UNC5C: variants seen among roughly 807,000 people sequenced by gnomAD.
UNC5C encodes netrin receptor UNC5C.
In UNC5C, 47 loss-of-function variants were observed where a neutral mutation model predicts 99.8. That is an observed-to-expected ratio of 0.47 (90% CI 0.37 to 0.60). UNC5C has a LOEUF of 0.60. Among genes scored for constraint, UNC5C ranks in the 20% least tolerant of loss-of-function variants. The pLI, the probability that UNC5C is intolerant of heterozygous loss-of-function variation, is 0.00. For synonymous variants in UNC5C, 487 were observed against 452.2 expected, an observed-to-expected ratio of 1.08 and a Z score of -0.98; for missense variants, 1,062 against 1,165.9, an observed-to-expected ratio of 0.91 and a Z score of 1.30.
At chr4:95,227,533 C>T (rs537881375) in intron 7 of UNC5C, among the ~76,000 whole-genome samples, 54 of 152,100 alleles carry the variant, frequency 3.6e-4, no homozygotes, top group Middle Eastern at 6.8e-3. Context: ...AAAGGAGATT[C>T]GATATGGAGA....
chr4:95,364,052 A>G (rs1375419192), intron 1 of UNC5C, among the ~76,000 whole-genome samples: 31 of 152,198 alleles, frequency 2.0e-4, no homozygotes. Context: ...CATGTTCAAA[A>G]TGACCCATCT....
chr4:95,441,065 T>C (rs973622965), intron 1 of UNC5C, among the ~76,000 whole-genome samples: 3 of 152,184 alleles, frequency 2.0e-5, no homozygotes, highest in Non-Finnish European at 4.4e-5. Flanking sequence ...ATAGAGTCTA[T>C]ATACTATTGG....
chr4:95,384,310 G>A (rs1463193149), intron 1 of UNC5C, among the ~76,000 whole-genome samples: 1 of 152,182 alleles, frequency 6.6e-6, no homozygotes, highest in African/African-American at 2.4e-5. Context: ...GTCATGGAGA[G>A]AGAGGTTGAA....
chr4:95,237,333 A>T (rs1236059105), intron 7 of UNC5C, among the ~76,000 whole-genome samples: 1 of 152,172 alleles, frequency 6.6e-6, no homozygotes, highest in Non-Finnish European at 1.5e-5. Flanking sequence ...TATATTGTCA[A>T]ATTGCTTCCC....
At chr4:95,181,650 C>T (rs751870137) in intron 14 of UNC5C, among the ~76,000 whole-genome samples, 1 of 151,614 alleles carries the variant, frequency 6.6e-6, no homozygotes, top group Non-Finnish European at 1.5e-5. Context: ...GCCATGGCAC[C>T]CTGACACCGA....
At chr4:95,502,932 C>T (rs118088874) in intron 1 of UNC5C, among the ~76,000 whole-genome samples, 2 of 152,256 alleles carry the variant, frequency 1.3e-5, no homozygotes, top group East Asian at 3.9e-4. Context: ...CTCTGACTAA[C>T]CTTACATTTG....
chr4:95,192,410 C>T (rs1386345700), intron 12 of UNC5C, among the ~76,000 whole-genome samples: 1 of 127,614 alleles, frequency 7.8e-6, no homozygotes, highest in Non-Finnish European at 1.7e-5. Context: ...ACCTCCTCCC[C>T]CCTTCTCACC....
At chr4:95,369,229 T>C (rs947423282) in intron 1 of UNC5C, among the ~76,000 whole-genome samples, 3 of 151,998 alleles carry the variant, frequency 2.0e-5, no homozygotes, top group South Asian at 2.1e-4. Flanking sequence ...AATACTTGAC[T>C]TTAATTCGGT....
At chr4:95,244,338 T>A (rs532399998) in intron 6 of UNC5C, among the ~76,000 whole-genome samples, 1 of 152,290 alleles carries the variant, frequency 6.6e-6, no homozygotes, top group South Asian at 2.1e-4. Context: ...GGTAGCAATA[T>A]GAGATAGTAC....
intron 10 of UNC5C, among the ~76,000 whole-genome samples, chr4:95,211,823 T>G (rs1738084380): frequency 6.6e-6 from 1 of 152,220 alleles, no homozygotes; most frequent in Non-Finnish European, 1.5e-5. Context: ...GTAAACTATC[T>G]TGAAGCATTT....
At chr4:95,284,211 CT>C (rs1741155616) in intron 3 of UNC5C, among the ~76,000 whole-genome samples, 1 of 152,042 alleles carries the variant, frequency 6.6e-6, no homozygotes, top group Non-Finnish European at 1.5e-5. Flanking sequence ...ATTAGCTCTG[CT>C]TTTTGACAAA....
chr4:95,487,685 T>G (rs2149480271), intron 1 of UNC5C, among the ~76,000 whole-genome samples: 1 of 151,854 alleles, frequency 6.6e-6, no homozygotes, highest in East Asian at 2.0e-4. Context: ...TACCACATCC[T>G]AGTTATTATA....
intron 1 of UNC5C, among the ~76,000 whole-genome samples, chr4:95,530,720 A>G (rs9993649): frequency 0.65 from 98,642 of 152,034 alleles, 32,329 homozygotes; most frequent in Middle Eastern, 0.79. Flanking sequence ...TCTATCGAAG[A>G]TACAGCATCT....
chr4:95,181,246 C>G (rs930905196), intron 14 of UNC5C, among the ~76,000 whole-genome samples: 1 of 152,170 alleles, frequency 6.6e-6, no homozygotes. Context: ...AGACTGACAC[C>G]GTGTTGCAAA....
chr4:95,528,523 A>T (rs1387261076), intron 1 of UNC5C, among the ~76,000 whole-genome samples: 2 of 152,202 alleles, frequency 1.3e-5, no homozygotes, highest in Non-Finnish European at 2.9e-5. Context: ...CTGTATTTTA[A>T]AGGAGACAAC....
intron 1 of UNC5C, among the ~76,000 whole-genome samples, chr4:95,533,875 C>T (rs1191626468): frequency 6.6e-6 from 1 of 151,918 alleles, no homozygotes; most frequent in South Asian, 2.1e-4. Context: ...TTGTTTTTTC[C>T]TCCCTGGAAA....
At chr4:95,348,611 T>A (rs1743868334) in intron 1 of UNC5C, among the ~76,000 whole-genome samples, 1 of 148,984 alleles carries the variant, frequency 6.7e-6, no homozygotes, top group Admixed American at 6.6e-5. Flanking sequence ...AAGTATTTTT[T>A]AATGACTGTA....
In UNC5C at chr4:95,466,744, A is replaced by C. The variant is rs564552942; in HGVS notation, c.124+81990T>G. On this transcript the variant is annotated intron_variant, in intron 1 of 15. Transcript: ENST00000453304. ...GTTTTACTTTTAAAAGCCATTCATA[A>C]ATCACATTATAGTGTTATTGAAGTG... Among the ~76,000 whole-genome samples the C allele has an allele frequency of 5.9e-5, 9 of 152,316 alleles. 1 individual carries two copies. The South Asian group carries it at 1.9e-3, about 32-fold the overall frequency.
chr4:95,524,608 G>A (rs17024123), intron 1 of UNC5C, among the ~76,000 whole-genome samples: 13,548 of 152,170 alleles, frequency 0.089, 1,691 homozygotes, highest in African/African-American at 0.27. Flanking sequence ...TGTTTTAGAC[G>A]GGACATGTGC....
Sources: allele counts gnomAD v4.1 joint callset (sites outside exome capture counted in the v4.1 genomes callset), GRCh38; gene constraint gnomAD v4.1.1; transcripts MANE v1.5; gene names NCBI Gene and HGNC (gene_info 2026-07-23, HGNC 2026-07-21).